LIN9: variants seen among roughly 807,000 people sequenced by gnomAD.
The protein encoded by LIN9 is protein lin-9 homolog.
Under a neutral mutation model 78.0 loss-of-function variants are expected in LIN9, and 18 were observed. The observed-to-expected ratio is 0.23, with a 90% CI of 0.16 to 0.34. The LOEUF (loss-of-function observed/expected upper bound fraction) is 0.34. Ranked by LOEUF, LIN9 falls within the 10% of genes least tolerant of loss-of-function variation. The pLI is 1.00. For synonymous variants in LIN9, 192 were observed against 215.2 expected (o/e 0.89, Z 0.94); for missense variants, 451 against 644.1 (o/e 0.70, Z 3.25).
intron 6 of LIN9, among the ~76,000 whole-genome samples, chr1:226,279,978 T>C (rs1488593169): frequency 6.6e-6 from 1 of 152,166 alleles, no homozygotes. Flanking sequence ...CATTTCAATA[T>C]TCTACCCAAA....
chr1:226,258,175 A>AAAAC (rs145801833), intron 10 of LIN9, among the ~76,000 whole-genome samples: 15,299 of 149,106 alleles, frequency 0.1, 854 homozygotes, highest in South Asian at 0.14. Flanking sequence ...CCTGTTCTCA[A>AAAAC]AAACAAACAA....
intron 3 of LIN9, 61 bp from the exon 4 acceptor site, chr1:226,296,007 T>C (rs1473601249): frequency 9.2e-6 from 10 of 1,086,940 alleles, no homozygotes; most frequent in East Asian, 2.4e-5. Flanking sequence ...TGTTCCAAAA[T>C]ACAATTCTAT....
At position 226,239,060 on chromosome 1, in the gene LIN9, G is replaced by A. The variant is rs752471823; in HGVS notation, c.1156C>T (p.Arg386Trp). The A allele has an allele frequency of 6.2e-6, 10 of 1,613,424 alleles. No individual in the cohort carries two copies. The highest frequency in any genetic ancestry group is 1.7e-5 in the Admixed American group (1 of 59,894). Reference sequence around the variant, plus strand: ...TCCAGAACAATTGTTGCATATCTCCGCTGAAATTCAATGCTGATGGGCATG... The same window carrying A: ...TCCAGAACAATTGTTGCATATCTCCACTGAAATTCAATGCTGATGGGCATG... ...YSMPISIEFQ[R>W]RYATIVLELE... The change falls in exon 12 of 15, where the codon CGG (arginine) becomes TGG (tryptophan). Residue 386 changes from arginine to tryptophan, a missense_variant. By Grantham distance (101) the Arg-to-Trp change is moderately radical. Transcript: ENST00000681046.
At chr1:226,293,462 A>G (rs968949915) in intron 4 of LIN9, among the ~76,000 whole-genome samples, 1 of 152,260 alleles carries the variant, frequency 6.6e-6, no homozygotes, top group African/African-American at 2.4e-5. Flanking sequence ...TCTAGCTAAC[A>G]AAATTGTTAT....
chr1:226,234,609 G>C (rs1043791624), intron 12 of LIN9, among the ~76,000 whole-genome samples: 1 of 152,106 alleles, frequency 6.6e-6, no homozygotes, highest in Non-Finnish European at 1.5e-5. Flanking sequence ...CTCAGGTCTG[G>C]AATCAGTCTC....
rs1405556049 is a variant in LIN9 at position 226,287,787 on chromosome 1, G to C, written c.275C>G (p.Ala92Gly). 7.7e-6 allele frequency: 12 copies of C among 1,549,274 alleles called. No individual in the cohort carries two copies. The East Asian group carries it at 2.9e-4, about 38-fold the overall frequency. ...RVAMVPQKFT[A>G]TMSTPDKKAS... is the part of the protein sequence containing the mutation. ...TTTCTTATCTGGTGTTGACATTGTT[G>C]CTGTAAATTTCTATACAATAAAAAA... is the stretch of plus-strand genomic sequence containing the variant. The change falls in exon 5 of 15, where the codon GCA (alanine) becomes GGA (glycine). Residue 92 changes from alanine (A) to glycine (G), a missense_variant. Physicochemically the swap from Ala to Gly is moderately conservative, Grantham distance 60. Coordinates refer to ENST00000681046, the MANE Select transcript of LIN9 (RefSeq NM_001366245.2).
At chr1:226,308,991 T>A (rs1031043550) in intron 1 of LIN9, 118 bp downstream of exon 1, 296 of 1,023,784 alleles carry the variant, frequency 2.9e-4, no homozygotes, top group Admixed American at 8.8e-4. Flanking sequence ...GGGACCACAG[T>A]GGGGCTGGCA....
intron 12 of LIN9, among the ~76,000 whole-genome samples, chr1:226,235,897 C>A (rs895561195): frequency 9.9e-5 from 15 of 152,172 alleles, no homozygotes; most frequent in Non-Finnish European, 5.9e-5. Flanking sequence ...TAAGCTGATA[C>A]ATATACATTG....
At chr1:226,283,278 A>AT (rs71574569) in intron 6 of LIN9, among the ~76,000 whole-genome samples, 2,783 of 84,192 alleles carry the variant, frequency 0.033, 417 homozygotes, top group African/African-American at 0.085. Flanking sequence ...TAATTTTTGA[A>AT]TTTTTTTTTT....
intron 1 of LIN9, among the ~76,000 whole-genome samples, chr1:226,307,743 G>A (rs1663010284): frequency 6.6e-6 from 1 of 152,212 alleles, no homozygotes; most frequent in Non-Finnish European, 1.5e-5. Flanking sequence ...GTGACTACTA[G>A]CTACATGTGA....
At chr1:226,268,809 G>A (rs1429726044) in intron 7 of LIN9, among the ~76,000 whole-genome samples, 1 of 152,196 alleles carries the variant, frequency 6.6e-6, no homozygotes, top group Non-Finnish European at 1.5e-5. Context: ...AGTCTTGCAT[G>A]ACTCTATTGG....
intron 4 of LIN9, among the ~76,000 whole-genome samples, chr1:226,291,300 T>C (rs1271072380): frequency 6.6e-6 from 1 of 152,002 alleles, no homozygotes; most frequent in Non-Finnish European, 1.5e-5. Flanking sequence ...TATTCAATAG[T>C]AAAAAGAAAT....
At chr1:226,290,764 A>G (rs1490833428) in intron 4 of LIN9, among the ~76,000 whole-genome samples, 1 of 151,892 alleles carries the variant, frequency 6.6e-6, no homozygotes, top group African/African-American at 2.4e-5. Flanking sequence ...CTTTTTTTAA[A>G]AAAATTTTTT....
At chr1:226,299,926 CTTT>C (rs568117487) in intron 2 of LIN9, among the ~76,000 whole-genome samples, 2 of 136,828 alleles carry the variant, frequency 1.5e-5, no homozygotes, top group African/African-American at 2.7e-5. Flanking sequence ...AAGCAAGATT[CTTT>C]TTTTTTTTTT....
intron 10 of LIN9, among the ~76,000 whole-genome samples, chr1:226,254,693 C>G (rs1659071535): frequency 6.6e-6 from 1 of 151,818 alleles, no homozygotes; most frequent in Admixed American, 6.6e-5. Flanking sequence ...GGGCGGATCA[C>G]GAGGTCAGGA....
At position 226,232,989 on chromosome 1, in the gene LIN9, GATA is replaced by G. The variant is rs1401958379; in HGVS notation, c.1523+104_1523+106del. 12 of 638,040 alleles carry G rather than the reference GATA, an allele frequency of 1.9e-5. No homozygotes were observed. In the East Asian group the frequency reaches 3.3e-4, roughly 18 times the overall value. 39.5% of individuals were successfully genotyped at this position (638,040 alleles called of 1,614,324 possible). A position where few individuals can be genotyped will look rare whatever the true frequency, so the allele number is the denominator to read the frequency against. ...AAAGCTCTTACAAATATATTTAACG[GATA>G]ATAATATATGAGTACTTCACAAATA... On this transcript the variant is annotated intron_variant, in intron 14 of 14. Coordinates refer to ENST00000681046, the MANE Select transcript of LIN9 (RefSeq NM_001366245.2).
Position 226,231,341 on chromosome 1 carries a change from C to G in LIN9, c.*1160G>C, listed in dbSNP as rs1476279590. 6.6e-6 allele frequency: 1 copy of G among 152,402 alleles called. No individual in the cohort carries two copies. Among genetic ancestry groups the G allele is most frequent in the Admixed American group, 6.5e-5 (1 of 15,278 alleles). 9.4% of individuals were successfully genotyped at this position (152,402 alleles called of 1,614,324 possible). Reference sequence around the variant, plus strand: ...ACAAAAATTTCAAATGGAAAATAATCTTGTTTCAGTTTTATTATACATTAA... The same window carrying G: ...ACAAAAATTTCAAATGGAAAATAATGTTGTTTCAGTTTTATTATACATTAA... On this transcript the variant is annotated 3_prime_UTR_variant, in exon 15 of 15. Coordinates refer to ENST00000681046, the MANE Select transcript of LIN9 (RefSeq NM_001366245.2).
chr1:226,307,673 T>C (rs1364316203), intron 1 of LIN9, among the ~76,000 whole-genome samples: 1 of 152,208 alleles, frequency 6.6e-6, no homozygotes, highest in Non-Finnish European at 1.5e-5. Flanking sequence ...CAATCAATTG[T>C]ATTCTACAAA....
At chr1:226,253,588 C>T (rs1409196248) in intron 10 of LIN9, among the ~76,000 whole-genome samples, 1 of 151,484 alleles carries the variant, frequency 6.6e-6, no homozygotes, top group Non-Finnish European at 1.5e-5. Flanking sequence ...CATAAGCCAT[C>T]ATGCCTGGCC....
Sources: gnomAD v4.1 joint callset for allele counts (sites outside exome capture counted in the v4.1 genomes callset) on GRCh38, gnomAD v4.1.1 for gene constraint, MANE v1.5 for transcripts, NCBI Gene and HGNC (gene_info 2026-07-23, HGNC 2026-07-21) for gene names.